The following TRPM3 variants were observed in gnomAD, a reference collection of about 807,000 sequenced individuals.
TRPM3 encodes long transient receptor potential channel 3.
TRPM3 carries 77 observed loss-of-function variants against 181.2 expected under a neutral mutation model. The ratio of observed to expected loss-of-function variants is 0.42; its 90% CI spans 0.35 to 0.51. The LOEUF (loss-of-function observed/expected upper bound fraction) is 0.51, where lower values mean the gene tolerates loss of function less well. Among genes scored for constraint, TRPM3 ranks in the 20% least tolerant of loss-of-function variants. The pLI is 0.01. For missense variants in TRPM3, 1,759 were observed against 2,196.7 expected, an observed-to-expected ratio of 0.80 and a Z score of 3.98; for synonymous variants, 745 against 796.4, an observed-to-expected ratio of 0.94 and a Z score of 1.09.
At chr9:71,209,499 C>A (rs1355667095) in intron 1 of TRPM3, among the ~76,000 whole-genome samples, 4 of 152,066 alleles carry the variant, frequency 2.6e-5, no homozygotes, top group African/African-American at 9.7e-5. Flanking sequence ...CAAAACAATA[C>A]CAGGTATTGG....
chr9:70,804,936 T>C (rs1013854975), intron 6 of TRPM3, among the ~76,000 whole-genome samples: 3 of 152,202 alleles, frequency 2.0e-5, no homozygotes, highest in Admixed American at 6.5e-5. Context: ...AAGTCCACCA[T>C]GGCATGCTGA....
chr9:70,570,839 G>T (rs1046473861), intron 22 of TRPM3, among the ~76,000 whole-genome samples: 5 of 152,154 alleles, frequency 3.3e-5, no homozygotes, highest in African/African-American at 1.2e-4. Context: ...TATAGGGCTT[G>T]ATTCCACATA....
chr9:71,304,053 C>G (rs1480301983), intron 1 of TRPM3, among the ~76,000 whole-genome samples: 1 of 152,046 alleles, frequency 6.6e-6, no homozygotes, highest in Non-Finnish European at 1.5e-5. Context: ...GTAACTCACA[C>G]ACGCTTATGA....
chr9:70,806,016 C>T (rs2090591846), intron 6 of TRPM3, among the ~76,000 whole-genome samples: 1 of 152,200 alleles, frequency 6.6e-6, no homozygotes, highest in Non-Finnish European at 1.5e-5. Flanking sequence ...ATCTTCCTCC[C>T]TGTTTTAGCA....
chr9:71,144,477 G>T (rs1185514265), intron 1 of TRPM3, among the ~76,000 whole-genome samples: 2 of 151,996 alleles, frequency 1.3e-5, no homozygotes, highest in African/African-American at 4.8e-5. Context: ...AATTGTTATT[G>T]TACCCTTAAG....
chr9:71,422,163 G>C (rs941369493), intron 1 of TRPM3, among the ~76,000 whole-genome samples: 1 of 151,836 alleles, frequency 6.6e-6, no homozygotes, highest in Non-Finnish European at 1.5e-5. Context: ...AAGGGTAGAA[G>C]GAAAATTATT....
chr9:71,059,011 ATTTTTTTTTTTT>A (rs1162577364), intron 1 of TRPM3, among the ~76,000 whole-genome samples: 295 of 52,656 alleles, frequency 5.6e-3, no homozygotes, highest in Middle Eastern at 0.029. Flanking sequence ...TTGTTTGTTC[ATTTTTTTTTTTT>A]TTTTTTTTTT....
In TRPM3 at chr9:71,361,733, T is replaced by A. The variant is rs767634038; in HGVS notation, c.183+84920A>T. ...TGGCTTTTATTGTCTCCAGTGCCTATGAATTATTCTGTATGAAATTGCTCT... is the reference window on the plus strand; with the variant it reads ...TGGCTTTTATTGTCTCCAGTGCCTAAGAATTATTCTGTATGAAATTGCTCT... On this transcript the variant is annotated intron_variant, in intron 1 of 24. Transcript: ENST00000357533. 3.9e-4 allele frequency among the ~76,000 whole-genome samples: 60 copies of A among 152,344 alleles called. 1 individual carries two copies. Among genetic ancestry groups the A allele is most frequent in the Middle Eastern group, 6.8e-3 (2 of 294 alleles).
intron 1 of TRPM3, among the ~76,000 whole-genome samples, chr9:71,230,589 CCTA>C (rs2080987566): frequency 6.6e-6 from 1 of 152,012 alleles, no homozygotes; most frequent in Non-Finnish European, 1.5e-5. Flanking sequence ...AATATATATG[CCTA>C]CTGTGTACCC....
intron 8 of TRPM3, among the ~76,000 whole-genome samples, chr9:70,751,695 G>T (rs1220333271): frequency 6.6e-6 from 1 of 152,100 alleles, no homozygotes; most frequent in Non-Finnish European, 1.5e-5. Flanking sequence ...AATGCAGAGG[G>T]AGTAATAGAG....
At chr9:71,291,062 T>C (rs1291188545) in intron 1 of TRPM3, among the ~76,000 whole-genome samples, 1 of 152,104 alleles carries the variant, frequency 6.6e-6, no homozygotes, top group African/African-American at 2.4e-5. Context: ...GACACAAACA[T>C]TTAAAAGAGA....
chr9:70,828,142 G>T, intron 5 of TRPM3, 124 bp from the exon 6 acceptor site: 2 of 946,848 alleles, frequency 2.1e-6, no homozygotes, highest in Non-Finnish European at 3.1e-6. Flanking sequence ...TGAAAGTACA[G>T]TCTACATCTT....
At chr9:70,605,674 C>T (rs1289455957) in intron 19 of TRPM3, among the ~76,000 whole-genome samples, 1 of 151,484 alleles carries the variant, frequency 6.6e-6, no homozygotes, top group East Asian at 1.9e-4. Flanking sequence ...GTACAGACTG[C>T]AAAAAACAAA....
At chr9:71,446,908 C>T (rs1405899994), upstream of TRPM3, 11 of 1,386,250 alleles carry the variant, frequency 7.9e-6, no homozygotes, top group South Asian at 1.5e-5. Context: ...CCGCGGGTCT[C>T]CCTCCAGCCT....
chr9:70,667,865 C>G (rs1209308365), intron 9 of TRPM3, among the ~76,000 whole-genome samples: 1 of 152,198 alleles, frequency 6.6e-6, no homozygotes, highest in Non-Finnish European at 1.5e-5. Flanking sequence ...TTGAAGCACA[C>G]TCACATGGCC....
intron 1 of TRPM3, among the ~76,000 whole-genome samples, chr9:70,957,885 A>AAAAC (rs544753950): frequency 4.4e-4 from 67 of 152,316 alleles, no homozygotes; most frequent in Admixed American, 1.4e-3. Context: ...GATGTTATGT[A>AAAAC]AAACAAACAA....
intron 1 of TRPM3, among the ~76,000 whole-genome samples, chr9:71,439,600 T>C (rs928944406): frequency 3.3e-5 from 5 of 152,114 alleles, no homozygotes; most frequent in African/African-American, 1.2e-4. Context: ...TGCTGCCCCA[T>C]GCAAAATTTT....
chr9:71,251,683 C>A (rs564193569), intron 1 of TRPM3, among the ~76,000 whole-genome samples: 10 of 152,144 alleles, frequency 6.6e-5, no homozygotes, highest in Non-Finnish European at 8.8e-5. Context: ...TTATTCATCC[C>A]CTCAAGTATT....
At chr9:70,684,955 T>C (rs1414832978) in intron 8 of TRPM3, among the ~76,000 whole-genome samples, 1 of 152,216 alleles carries the variant, frequency 6.6e-6, no homozygotes, top group Non-Finnish European at 1.5e-5. Flanking sequence ...CACCTGCTTC[T>C]GGCAGAGTTA....
Sources: gnomAD v4.1 joint callset for allele counts (sites outside exome capture counted in the v4.1 genomes callset) on GRCh38, gnomAD v4.1.1 for gene constraint, MANE v1.5 for transcripts, NCBI Gene and HGNC (gene_info 2026-07-23, HGNC 2026-07-21) for gene names.